The following PAM variants were observed in gnomAD, a reference collection of about 807,000 sequenced individuals.
PAM encodes peptidyl-glycine alpha-amidating monooxygenase.
A neutral mutation model predicts 122.1 loss-of-function variants in PAM; 72 were observed. The ratio of observed to expected loss-of-function variants is 0.59; its 90% CI spans 0.49 to 0.72. The LOEUF (loss-of-function observed/expected upper bound fraction) is 0.72, where lower values mean the gene tolerates loss of function less well. PAM is among the 30% of genes least tolerant of loss of function. The probability of loss-of-function intolerance (pLI) is 0.00; values close to 1 mark genes in which losing one functional copy is unlikely to be tolerated. For missense variants in PAM, 1,106 were observed against 1,183.7 expected, an observed-to-expected ratio of 0.93 and a Z score of 0.96; for synonymous variants, 389 against 404.4, an observed-to-expected ratio of 0.96 and a Z score of 0.46.
intron 1 of PAM, among the ~76,000 whole-genome samples, chr5:102,795,826 G>A (rs1043163125): frequency 2.0e-5 from 3 of 152,242 alleles, no homozygotes; most frequent in East Asian, 1.9e-4. Context: ...TTTGTTTTGG[G>A]TGCGGAAAAG....
chr5:102,761,927 C>G (rs931802654), intron 1 of PAM, among the ~76,000 whole-genome samples: 1 of 152,178 alleles, frequency 6.6e-6, no homozygotes, highest in African/African-American at 2.4e-5. Context: ...CATAGACATT[C>G]CTTTCAAATT....
intron 1 of PAM, among the ~76,000 whole-genome samples, chr5:102,857,691 T>C (rs1356221084): frequency 6.6e-6 from 1 of 152,202 alleles, no homozygotes; most frequent in Admixed American, 6.5e-5. Context: ...TTGTGTCCAG[T>C]TGCCACTTCA....
At chr5:102,883,099 CA>C (rs1281169904) in intron 3 of PAM, among the ~76,000 whole-genome samples, 2 of 151,778 alleles carry the variant, frequency 1.3e-5, no homozygotes, top group African/African-American at 4.8e-5. Context: ...ATAGTGGTAC[CA>C]TGCTGTTTTG....
At chr5:102,793,372 G>GA (rs71620669) in intron 1 of PAM, among the ~76,000 whole-genome samples, 44,139 of 148,540 alleles carry the variant, frequency 0.3, 6,885 homozygotes, top group Non-Finnish European at 0.36. Context: ...AAAAAAAAAT[G>GA]AAAAAAAAAA....
chr5:102,915,580 T>C (rs1802867385), intron 5 of PAM, among the ~76,000 whole-genome samples: 1 of 152,172 alleles, frequency 6.6e-6, no homozygotes, highest in Non-Finnish European at 1.5e-5. Flanking sequence ...CTGTGACAGC[T>C]TTTCCTGAAT....
intron 7 of PAM, among the ~76,000 whole-genome samples, chr5:102,932,346 G>A (rs1483631979): frequency 2.0e-5 from 3 of 151,990 alleles, no homozygotes; most frequent in Non-Finnish European, 4.4e-5. Context: ...AAATTAGCCA[G>A]CTGTCGTGGT....
At chr5:102,883,640 C>CGTAT (rs1373438722) in intron 3 of PAM, among the ~76,000 whole-genome samples, 1 of 151,848 alleles carries the variant, frequency 6.6e-6, no homozygotes, top group Non-Finnish European at 1.5e-5. Context: ...TCTAAGTATA[C>CGTAT]GATCATTTCA....
chr5:102,857,818 A>C (rs1356091408), intron 1 of PAM, among the ~76,000 whole-genome samples: 3 of 152,234 alleles, frequency 2.0e-5, no homozygotes, highest in Non-Finnish European at 4.4e-5. Context: ...CTCAATAAAC[A>C]TGAGCTATTA....
At chr5:102,798,415 T>C (rs1017312911) in intron 1 of PAM, among the ~76,000 whole-genome samples, 36 of 152,212 alleles carry the variant, frequency 2.4e-4, no homozygotes, top group African/African-American at 7.5e-4. Context: ...CCTTAGGTAA[T>C]TACTGGTTTT....
chr5:102,860,003 T>C (rs1477498444), intron 1 of PAM, among the ~76,000 whole-genome samples: 1 of 152,166 alleles, frequency 6.6e-6, no homozygotes, highest in Non-Finnish European at 1.5e-5. Flanking sequence ...TGGCCTAACA[T>C]AACAATGCAT....
intron 1 of PAM, among the ~76,000 whole-genome samples, chr5:102,802,567 T>C (rs1765067798): frequency 6.6e-6 from 1 of 152,100 alleles, no homozygotes; most frequent in African/African-American, 2.4e-5. Context: ...TCATAGCACA[T>C]AGCATGTTGT....
intron 7 of PAM, among the ~76,000 whole-genome samples, chr5:102,928,823 T>C (rs1315363314): frequency 6.6e-6 from 1 of 152,152 alleles, no homozygotes; most frequent in African/African-American, 2.4e-5. Flanking sequence ...AGTATTAAAG[T>C]CTTGTTCTAG....
chr5:102,874,315 A>C (rs1172730717), intron 3 of PAM, among the ~76,000 whole-genome samples: 2 of 152,240 alleles, frequency 1.3e-5, no homozygotes, highest in Non-Finnish European at 2.9e-5. Flanking sequence ...TAAGTAGATT[A>C]CAAAAATGTT....
At chr5:102,836,418 A>G (rs1306490704) in intron 1 of PAM, among the ~76,000 whole-genome samples, 2 of 152,106 alleles carry the variant, frequency 1.3e-5, no homozygotes, top group African/African-American at 4.8e-5. Flanking sequence ...GTTTGTAGAG[A>G]TGGGGTATAA....
At chr5:102,879,169 A>T (rs1291081312) in intron 3 of PAM, among the ~76,000 whole-genome samples, 2 of 152,058 alleles carry the variant, frequency 1.3e-5, no homozygotes, top group African/African-American at 4.8e-5. Context: ...TGACCTCGTG[A>T]TCTGCCCGCT....
downstream of PAM, chr5:103,030,673 C>T (rs967096555): frequency 6.6e-6 from 1 of 152,174 alleles, no homozygotes; most frequent in African/African-American, 2.4e-5. Context: ...CTTCATTTAT[C>T]GAGTCAGAGA....
At chr5:102,854,796 A>G (rs564595789) in intron 1 of PAM, among the ~76,000 whole-genome samples, 3 of 152,354 alleles carry the variant, frequency 2.0e-5, no homozygotes, top group East Asian at 3.9e-4. Context: ...GTGCATCAGC[A>G]TCAAAGAATT....
At chr5:103,009,473 A>G (rs1779992155) in intron 20 of PAM, among the ~76,000 whole-genome samples, 1 of 152,152 alleles carries the variant, frequency 6.6e-6, no homozygotes, top group African/African-American at 2.4e-5. Context: ...ATATCTATAT[A>G]TCAATATCTA....
intron 1 of PAM, among the ~76,000 whole-genome samples, chr5:102,779,924 C>CAT (rs1554059738): frequency 3.3e-4 from 28 of 85,950 alleles, no homozygotes; most frequent in South Asian, 2.8e-3. Flanking sequence ...TATATACACA[C>CAT]ATATATATAT....
Sources: gnomAD v4.1 joint callset for allele counts (sites outside exome capture counted in the v4.1 genomes callset) on GRCh38, gnomAD v4.1.1 for gene constraint, MANE v1.5 for transcripts, NCBI Gene and HGNC (gene_info 2026-07-23, HGNC 2026-07-21) for gene names.